The following ZNF71 variants were observed in gnomAD, a reference collection of about 807,000 sequenced individuals.
ZNF71 encodes endothelial zinc finger protein induced by tumor necrosis factor alpha.
In ZNF71, 3 loss-of-function variants were observed where a neutral mutation model predicts 6.7. The observed-to-expected ratio is 0.45, with a 90% CI of 0.20 to 1.16. The LOEUF (loss-of-function observed/expected upper bound fraction) is 1.16. Ranked by LOEUF, ZNF71 falls within the 50% of genes most tolerant of loss-of-function variation. ZNF71 has a pLI of 0.25. For synonymous variants in ZNF71, 343 were observed against 311.1 expected, an observed-to-expected ratio of 1.10 and a Z score of -1.08; for missense variants, 688 against 728.6, an observed-to-expected ratio of 0.94 and a Z score of 0.64.
chr19:56,617,312 T>C (rs987409675), intron 3 of ZNF71, among the ~76,000 whole-genome samples: 5 of 152,154 alleles, frequency 3.3e-5, no homozygotes, highest in African/African-American at 7.2e-5. Flanking sequence ...GGTTTCACCA[T>C]GTTGGCCAGG....
chr19:56,596,599 TCTGACCAAGGAGAGG>T (rs2044627038), intron 1 of ZNF71, among the ~76,000 whole-genome samples: 1 of 152,184 alleles, frequency 6.6e-6, no homozygotes, highest in Non-Finnish European at 1.5e-5. Context: ...CCTACTCTGT[TCTGACCAAGGAGAGG>T]TTGATTTGTT....
rs946092421 is a variant in ZNF71, at chr19:56,618,980, G to T, written c.161-2288G>T. Reference sequence around the variant, plus strand: ...GCTGTCGCATTTCAGGCAAGGACCCGTGGTGGCCAGCCGGCTTTTTGTCAG... The same window carrying T: ...GCTGTCGCATTTCAGGCAAGGACCCTTGGTGGCCAGCCGGCTTTTTGTCAG... On this transcript the variant is annotated intron_variant, in intron 3 of 3. Coordinates refer to ENST00000599599, the MANE Select transcript of ZNF71 (RefSeq NM_001370215.1). This position sits in a 1 kb window ranked among gnomAD's most constrained non-coding sequence, Gnocchi z 4.6. 3.9e-5 allele frequency among the ~76,000 whole-genome samples: 6 copies of T among 152,134 alleles called. No homozygotes were observed. Among genetic ancestry groups the T allele is most frequent in the African/African-American group, 9.7e-5 (4 of 41,408 alleles).
chr19:56,599,410 G>T (rs1052150897), intron 1 of ZNF71, among the ~76,000 whole-genome samples: 1 of 152,060 alleles, frequency 6.6e-6, no homozygotes, highest in Non-Finnish European at 1.5e-5. Context: ...GCTGAGTTTT[G>T]CTGTAAGAAG....
At chr19:56,609,700 T>C (rs58923719) in intron 2 of ZNF71, among the ~76,000 whole-genome samples, 18,839 of 131,088 alleles carry the variant, frequency 0.14, 2,054 homozygotes, top group East Asian at 0.32. Flanking sequence ...TTGCCTGTTC[T>C]GGACATTGTA....
chr19:56,605,412 C>T (rs1235605596), intron 2 of ZNF71, among the ~76,000 whole-genome samples: 1 of 152,236 alleles, frequency 6.6e-6, no homozygotes, highest in East Asian at 1.9e-4. Context: ...GCTCAAGAGA[C>T]AGACTTGTAA....
At chr19:56,610,242 C>G (rs548480010) in intron 2 of ZNF71, 1 of 152,224 alleles carries the variant, frequency 6.6e-6, no homozygotes, top group African/African-American at 2.4e-5. Context: ...ATTTTACATC[C>G]CCACCAGCTG....
chr19:56,609,934 G>A (rs1036329346), intron 2 of ZNF71: 1 of 152,018 alleles, frequency 6.6e-6, no homozygotes, highest in Non-Finnish European at 1.5e-5. Flanking sequence ...TTCTGTGTCC[G>A]GCATCTTTCA....
rs758955497 is a variant in ZNF71, at chr19:56,622,337, C to T, written c.1230C>T (p.Gly410=). The T allele has an allele frequency of 5.0e-6, 8 of 1,610,816 alleles. No individual in the cohort carries two copies. The South Asian group carries it at 8.8e-5, about 18-fold the overall frequency. ...TCCAGCACCAGCGCTTCCACATCGG[C>T]GTGAAGCCGTTCGAGTGCAGCGAGT... The part of the protein sequence containing the change: ...YLIQHQRFHI[G]VKPFECSECG... The change falls in exon 4 of 4, where the codon GGC becomes GGT. Residue 410 remains glycine (G), a synonymous_variant. Coordinates refer to ENST00000599599, the MANE Select transcript of ZNF71 (RefSeq NM_001370215.1).
chr19:56,604,692 C>G (rs2044696321), intron 2 of ZNF71, among the ~76,000 whole-genome samples: 1 of 152,164 alleles, frequency 6.6e-6, no homozygotes, highest in African/African-American at 2.4e-5. Context: ...TCTGAACCAC[C>G]AGCCCAACTG....
At chr19:56,601,470 GTC>G (rs781286964) in intron 1 of ZNF71, 35 bp from the exon 2 acceptor site, 1 of 921,144 alleles carries the variant, frequency 1.1e-6, no homozygotes, top group Non-Finnish European at 1.3e-6. Flanking sequence ...CCTAGGCCTG[GTC>G]TCTCAGCATG....
chr19:56,598,502 G>A lies in ZNF71; in HGVS notation c.-52-3005G>A, dbSNP rs1248077206. Among the ~76,000 whole-genome samples, 1 of 152,152 alleles carries A rather than the reference G, an allele frequency of 6.6e-6. No homozygotes were observed. Among genetic ancestry groups the A allele is most frequent in the East Asian group, 1.9e-4 (1 of 5,194 alleles). ...TTACAGTTGGCCAGGTGTGGTGCCC[G>A]GGTACAGGCATTAAGTGGTAGGAAC... is the stretch of plus-strand genomic sequence containing the variant. On this transcript the variant is annotated intron_variant, in intron 1 of 3. Transcript: ENST00000599599. The surrounding 1 kb of genome is among the most constrained non-coding windows in gnomAD (Gnocchi z 4.2).
At position 56,603,800 on chromosome 19, in the gene ZNF71, T is replaced by C. The variant is rs141362108; in HGVS notation, c.33+2209T>C. 0.013 allele frequency among the ~76,000 whole-genome samples: 2,017 copies of C among 151,152 alleles called. 50 individuals carry two copies. Among genetic ancestry groups the C allele is most frequent in the African/African-American group, 0.046 (1,869 of 40,806 alleles). On this transcript the variant is annotated intron_variant, in intron 2 of 3. Coordinates refer to ENST00000599599, the MANE Select transcript of ZNF71 (RefSeq NM_001370215.1). The surrounding 1 kb of genome is among the most constrained non-coding windows in gnomAD (Gnocchi z 4.6). ...TGGTTTAAGTTTTTTTTTTTTTTAA[T>C]TACTACTAGTGTAATTACATTCAAT... is the stretch of plus-strand genomic sequence containing the variant.
rs541404970 is a variant in ZNF71, at chr19:56,623,176, G to C, written c.*419G>C. 5.2e-6 allele frequency: 1 copy of C among 192,500 alleles called. No homozygotes were observed. The highest frequency in any genetic ancestry group is 2.4e-5 in the African/African-American group (1 of 42,260). 11.9% of individuals were successfully genotyped at this position (192,500 alleles called of 1,614,324 possible). On this transcript the variant is annotated 3_prime_UTR_variant, in exon 4 of 4. Coordinates refer to ENST00000599599, the MANE Select transcript of ZNF71 (RefSeq NM_001370215.1). ...TTTGTCAGATACATCCTGGAGTCCA[G>C]ATGCAGCTTGTCACCATCTGCATTT...
chr19:56,616,989 A>G (rs540219789), intron 3 of ZNF71, among the ~76,000 whole-genome samples: 1 of 152,268 alleles, frequency 6.6e-6, no homozygotes, highest in African/African-American at 2.4e-5. Flanking sequence ...TCTGTCTTGG[A>G]CAAAAGCCCC....
Position 56,622,698 on chromosome 19 carries a change from T to C in ZNF71, c.1591T>C (p.Cys531Arg). 1 of 1,613,680 alleles carries C rather than the reference T, an allele frequency of 6.2e-7. No homozygotes were observed. The highest frequency in any genetic ancestry group is 1.3e-5 in the African/African-American group (1 of 75,024). The stretch of plus-strand genomic sequence containing the variant: ...CGAGAAGCCCTACCGATGCGGCGAG[T>C]GCGGGAAGACCTTCAGCCGCAACAC... The part of the protein sequence containing the change: ...TGEKPYRCGE[C>R]GKTFSRNTNL... The change falls in exon 4 of 4, where the codon TGC becomes CGC. Residue 531 changes from cysteine to arginine, a missense_variant. By Grantham distance (180) the Cys-to-Arg change is radical. Transcript: ENST00000599599.
At chr19:56,619,013 C>T (rs192015822) in intron 3 of ZNF71, among the ~76,000 whole-genome samples, 10 of 152,152 alleles carry the variant, frequency 6.6e-5, no homozygotes, top group South Asian at 4.2e-4. Flanking sequence ...CAGTGGGGAC[C>T]GGGAGATTTG....
chr19:56,602,489 G>A (rs1438085048), intron 2 of ZNF71, among the ~76,000 whole-genome samples: 2 of 152,178 alleles, frequency 1.3e-5, no homozygotes, highest in Admixed American at 1.3e-4. Context: ...TTAGATTGGT[G>A]CAATATTGCA....
rs1166329184 is a variant in ZNF71 at position 56,598,920 on chromosome 19, C to T, written c.-52-2587C>T. ...TACGCTTTAAGACGTGTCAGAATCA[C>T]CTGGGAAACTTGCTTAGAAATACCG... On this transcript the variant is annotated intron_variant, in intron 1 of 3. Coordinates refer to ENST00000599599, the MANE Select transcript of ZNF71 (RefSeq NM_001370215.1). The surrounding 1 kb of genome is among the most constrained non-coding windows in gnomAD (Gnocchi z 4.2). Among the ~76,000 whole-genome samples the T allele has an allele frequency of 1.3e-5, 2 of 152,164 alleles. No homozygotes were observed. The highest frequency in any genetic ancestry group is 4.8e-5 in the African/African-American group (2 of 41,428).
intron 1 of ZNF71, among the ~76,000 whole-genome samples, chr19:56,597,849 G>T (rs1282772541): frequency 3.3e-5 from 5 of 152,152 alleles, no homozygotes; most frequent in African/African-American, 1.2e-4. Flanking sequence ...TATGGGATTT[G>T]TGTATTGCCA....
Sources: gnomAD v4.1 joint callset for allele counts (sites outside exome capture counted in the v4.1 genomes callset) on GRCh38, gnomAD v4.1.1 for gene constraint, Gnocchi (gnomAD v3.1) non-coding constraint, MANE v1.5 for transcripts, NCBI Gene and HGNC (gene_info 2026-07-23, HGNC 2026-07-21) for gene names.